FOCAD: variants seen among roughly 807,000 people sequenced by gnomAD.
The protein encoded by FOCAD is focadhesin, also known as KIAA1797.
A neutral mutation model predicts 225.6 loss-of-function variants in FOCAD; 198 were observed. The observed-to-expected ratio is 0.88, with a 90% confidence interval of 0.78 to 0.99. The LOEUF is 0.99. Among genes scored for constraint, FOCAD ranks in the 50% least tolerant of loss-of-function variants. The pLI is 0.00. For synonymous variants in FOCAD, 897 were observed against 755.0 expected, an observed-to-expected ratio of 1.19 and a Z score of -3.08; for missense variants, 2,713 against 2,123.6, an observed-to-expected ratio of 1.28 and a Z score of -5.46.
intron 15 of FOCAD, among the ~76,000 whole-genome samples, chr9:20,832,329 A>G (rs371539383): frequency 2.6e-5 from 4 of 151,886 alleles, no homozygotes; most frequent in African/African-American, 7.3e-5. Context: ...GTTCTCCCCA[A>G]ATAAGTCAGA....
chr9:20,940,164 T>G (rs1836499924), intron 28 of FOCAD, among the ~76,000 whole-genome samples: 1 of 152,186 alleles, frequency 6.6e-6, no homozygotes, highest in African/African-American at 2.4e-5. Context: ...AATTAAAAGC[T>G]CAGGCCCTTC....
chr9:20,892,087 A>G (rs949093502), intron 21 of FOCAD, among the ~76,000 whole-genome samples: 1 of 152,170 alleles, frequency 6.6e-6, no homozygotes, highest in Non-Finnish European at 1.5e-5. Flanking sequence ...TGGTTTACTG[A>G]ATATTTTAAT....
At chr9:20,886,217 T>G (rs997439886) in intron 21 of FOCAD, among the ~76,000 whole-genome samples, 1 of 3,544 alleles carries the variant, frequency 2.8e-4, no homozygotes, top group Non-Finnish European at 5.1e-4. Flanking sequence ...TTTCAGAAGC[T>G]TTTTTTTTGC....
At chr9:20,896,957 T>G (rs1231841825) in intron 21 of FOCAD, 1 of 151,832 alleles carries the variant, frequency 6.6e-6, no homozygotes, top group Non-Finnish European at 1.5e-5. Flanking sequence ...ACTGCTTTTC[T>G]GCTTGTTGGA....
At chr9:20,920,024 C>T (rs966488612) in intron 24 of FOCAD, among the ~76,000 whole-genome samples, 1 of 152,014 alleles carries the variant, frequency 6.6e-6, no homozygotes, top group African/African-American at 2.4e-5. Context: ...AGTGAACAGG[C>T]AACCTACAAA....
Position 20,770,214 on chromosome 9 carries a change from G to C in FOCAD, c.882G>C (p.Glu294Asp), listed in dbSNP as rs754389950. 1 of 1,613,984 alleles carries C rather than the reference G, an allele frequency of 6.2e-7. No homozygotes were observed. The highest frequency in any genetic ancestry group is 8.5e-7 in the Non-Finnish European group (1 of 1,179,966). The change falls in exon 8 of 44, where the codon GAG (glutamate) becomes GAC (aspartate). Residue 294 changes from glutamate (E) to aspartate (D), a missense_variant. Physicochemically the swap from Glu to Asp is conservative, Grantham distance 45. Transcript: ENST00000338382. ...GTTCATCTTCAATTCACCTTTTAGAGCACAGTGTTGAACTTCTGAAGGAGG... is the reference window on the plus strand; with the variant it reads ...GTTCATCTTCAATTCACCTTTTAGACCACAGTGTTGAACTTCTGAAGGAGG... ...GECSSSIHLL[E>D]HSVELLKEDF... is the part of the protein sequence containing the mutation.
chr9:20,982,485 G>A (rs1393327856), intron 39 of FOCAD, 39 bp downstream of exon 39: 1 of 1,517,234 alleles, frequency 6.6e-7, no homozygotes, highest in South Asian at 1.2e-5. Context: ...TCATTATTGA[G>A]CCAGAAATTA....
At chr9:20,827,840 G>C (rs1825069253) in intron 15 of FOCAD, among the ~76,000 whole-genome samples, 1 of 152,068 alleles carries the variant, frequency 6.6e-6, no homozygotes. Context: ...TGAGGCCCAA[G>C]GTTAATAAAA....
chr9:20,690,824 C>T (rs568088619), intron 1 of FOCAD, among the ~76,000 whole-genome samples: 92 of 152,006 alleles, frequency 6.1e-4, no homozygotes, highest in African/African-American at 2.0e-3. Flanking sequence ...GGATTATAGG[C>T]GGAGGCACCA....
chr9:20,800,823 G>C (rs4495516), intron 11 of FOCAD, among the ~76,000 whole-genome samples: 133,774 of 152,106 alleles, frequency 0.88, 58,994 homozygotes, highest in African/African-American at 0.93. Context: ...GAAGTTTGAT[G>C]TTCTGAAGCC....
rs1825239645 is a variant in FOCAD, at chr9:20,715,282, A to G, written c.-32-40A>G. ...ATTAATTGGAGCCCCAATTCAGACCAGTTGGAAGACTAACAAATATTCTTT... is the reference window on the plus strand; with the variant it reads ...ATTAATTGGAGCCCCAATTCAGACCGGTTGGAAGACTAACAAATATTCTTT... On this transcript the variant is annotated intron_variant, in intron 1 of 43. Coordinates refer to ENST00000338382, the MANE Select transcript of FOCAD (RefSeq NM_001375567.1). 4.3e-6 allele frequency: 4 copies of G among 937,716 alleles called. No individual in the cohort carries two copies. The South Asian group carries it at 1.0e-4, about 24-fold the overall frequency. The allele number at this position is 937,716 out of a possible 1,614,324, so 58.1% of individuals were successfully genotyped here.
Position 20,951,012 on chromosome 9 carries a change from G to A in FOCAD, c.3965G>A (p.Gly1322Glu). 2.5e-6 allele frequency: 4 copies of A among 1,613,116 alleles called. No individual in the cohort carries two copies. In the South Asian group the frequency reaches 3.3e-5, roughly 13 times the overall value. ...TATTTGTAGGTCATTAGTGTCTCTG[G>A]GGTGATTGGTCTCCAGTCAAATGCA... Reference protein sequence around the residue: ...RTLTQVISVSGVIGLQSNAVW... With the variant: ...RTLTQVISVSEVIGLQSNAVW... Residue 1322 changes from glycine to glutamate, a missense_variant, in exon 34 of 44, where the codon GGG (glycine) becomes GAG (glutamate). Transcript: ENST00000338382.
At chr9:20,824,933 A>G (rs921580236) in intron 15 of FOCAD, among the ~76,000 whole-genome samples, 6 of 152,108 alleles carry the variant, frequency 3.9e-5, no homozygotes, top group Middle Eastern at 3.2e-3. Context: ...TAAGTGTTAT[A>G]TACCAGTTTT....
rs561038188 is a variant in FOCAD at position 20,887,233 on chromosome 9, T to A, written c.2625+2003T>A. 2.0e-5 allele frequency among the ~76,000 whole-genome samples: 3 copies of A among 152,166 alleles called. No individual in the cohort carries two copies. The East Asian group carries it at 5.8e-4, about 29-fold the overall frequency. On this transcript the variant is annotated intron_variant, in intron 21 of 43. Coordinates refer to ENST00000338382, the MANE Select transcript of FOCAD (RefSeq NM_001375567.1). ...CAAGTATTTCTTCTTTCTTTCCTTT[T>A]TCTTTCTCTTTTTTTTTTTGAGATG...
intron 15 of FOCAD, among the ~76,000 whole-genome samples, chr9:20,831,381 G>A (rs1340657045): frequency 6.6e-6 from 1 of 152,050 alleles, no homozygotes; most frequent in African/African-American, 2.4e-5. Flanking sequence ...GATTTCTGTA[G>A]GTAGGACACA....
At chr9:20,655,779 A>G (rs918344961), upstream of FOCAD, among the ~76,000 whole-genome samples, 1 of 151,702 alleles carries the variant, frequency 6.6e-6, no homozygotes, top group Non-Finnish European at 1.5e-5. Context: ...TATTTCCTTC[A>G]GTTCTGCTCT....
chr9:20,882,056 G>C lies in FOCAD; in HGVS notation c.2503G>C (p.Gly835Arg). The C allele has an allele frequency of 6.2e-7, 1 of 1,612,102 alleles. No individual in the cohort carries two copies. The highest frequency in any genetic ancestry group is 8.5e-7 in the Non-Finnish European group (1 of 1,179,270). ...KQPGLKPGLAGGMLFCYDVSM... is the reference protein window; with the variant it reads ...KQPGLKPGLARGMLFCYDVSM... ...ACCAGGACTGAAACCTGGCCTTGCA[G>C]GTAAGGGTAGTACATAGTATCAAAA... is the stretch of plus-strand genomic sequence containing the variant. The change falls in exon 20 of 44, where the codon GGT becomes CGT. Residue 835 changes from glycine to arginine, a missense_variant and splice_region_variant. Gly to Arg is a moderately radical substitution (Grantham distance 125, BLOSUM62 -2). Coordinates refer to ENST00000338382, the MANE Select transcript of FOCAD (RefSeq NM_001375567.1).
intron 11 of FOCAD, among the ~76,000 whole-genome samples, chr9:20,811,876 T>G (rs1161439022): frequency 6.6e-6 from 1 of 152,124 alleles, no homozygotes; most frequent in Non-Finnish European, 1.5e-5. Flanking sequence ...ATATTAAGAT[T>G]ATTAAGGAAT....
chr9:20,819,785 A>G lies in FOCAD; in HGVS notation c.1456-11A>G, dbSNP rs1824120750. 2 of 1,472,544 alleles carry G rather than the reference A, an allele frequency of 1.4e-6. No homozygotes were observed. Among genetic ancestry groups the G allele is most frequent in the Non-Finnish European group, 1.8e-6 (2 of 1,101,828 alleles). The allele number at this position is 1,472,544 out of a possible 1,614,324, so 91.2% of individuals were successfully genotyped here. A position where few individuals can be genotyped will look rare whatever the true frequency, so the allele number is the denominator to read the frequency against. On this transcript the variant is annotated splice_polypyrimidine_tract_variant and intron_variant, in intron 11 of 43. Transcript: ENST00000338382. Reference sequence around the variant, plus strand: ...AAGGCATATTTAATATATTTTAAAAATTCATTTTAGGTGCCAAATCTGATT... The same window carrying G: ...AAGGCATATTTAATATATTTTAAAAGTTCATTTTAGGTGCCAAATCTGATT...
Sources: gnomAD v4.1 joint callset for allele counts (sites outside exome capture counted in the v4.1 genomes callset) on GRCh38, gnomAD v4.1.1 for gene constraint, MANE v1.5 for transcripts, NCBI Gene and HGNC (gene_info 2026-07-23, HGNC 2026-07-21) for gene names.